The following NRBF2 variants were observed in gnomAD, a reference collection of about 807,000 sequenced individuals.
NRBF2 encodes nuclear receptor binding factor 2, also known as nuclear receptor-binding factor 2.
NRBF2 carries 12 observed loss-of-function variants against 28.5 expected under a neutral mutation model. The ratio of observed to expected loss-of-function variants is 0.42; its 90% confidence interval spans 0.27 to 0.68. NRBF2 has a LOEUF of 0.68. NRBF2 is among the 30% of genes least tolerant of loss of function. NRBF2 has a pLI of 0.24. For missense variants in NRBF2, 274 were observed against 333.5 expected (o/e 0.82, Z 1.39); for synonymous variants, 102 against 116.5 (o/e 0.88, Z 0.80).
At chr10:63,147,909 A>G (rs1841590031) in intron 2 of NRBF2, among the ~76,000 whole-genome samples, 1 of 152,144 alleles carries the variant, frequency 6.6e-6, no homozygotes, top group Non-Finnish European at 1.5e-5. Flanking sequence ...AAACATGTCA[A>G]CTAGTGCTCT....
Position 63,153,697 on chromosome 10 carries a change from C to G in NRBF2, c.343C>G (p.Leu115Val). The change falls in exon 4 of 4, where the codon CTT becomes GTT. Residue 115 changes from leucine (L) to valine (V), a missense_variant. Leu to Val is a conservative substitution (Grantham distance 32). Coordinates refer to ENST00000277746, the MANE Select transcript of NRBF2 (RefSeq NM_030759.5). ...SAEDAEGQSPLSQKYSPSTEK... is the reference protein window; with the variant it reads ...SAEDAEGQSPVSQKYSPSTEK... ...AGAGGATGCAGAGGGCCAGAGTCCC[C>G]TTTCTCAGAAGTACAGCCCTTCCAC... The G allele has an allele frequency of 6.2e-7, 1 of 1,612,308 alleles. No homozygotes were observed. Among genetic ancestry groups the G allele is most frequent in the African/African-American group, 1.3e-5 (1 of 74,978 alleles).
At position 63,133,695 on chromosome 10, in the gene NRBF2, C is replaced by G. The variant is rs543051891; in HGVS notation, c.30+195C>G. Among the ~76,000 whole-genome samples, 954 of 152,270 alleles carry G rather than the reference C, an allele frequency of 6.3e-3. 5 individuals carry two copies. The highest frequency in any genetic ancestry group is 0.011 in the Non-Finnish European group (729 of 67,992). On this transcript the variant is annotated intron_variant, in intron 1 of 3. Coordinates refer to ENST00000277746, the MANE Select transcript of NRBF2 (RefSeq NM_030759.5). Reference sequence around the variant, plus strand: ...GGCTAGCCACTTCAGACTTTGCCCTCCTGGGGGATCCCCGGGAAGTCCTGG... The same window carrying G: ...GGCTAGCCACTTCAGACTTTGCCCTGCTGGGGGATCCCCGGGAAGTCCTGG...
In NRBF2 at chr10:63,137,866, G is replaced by A. The variant is rs942514380; in HGVS notation, c.30+4366G>A. Among the ~76,000 whole-genome samples, 58 of 152,296 alleles carry A rather than the reference G, an allele frequency of 3.8e-4. 1 individual carries two copies. Among genetic ancestry groups the A allele is most frequent in the Non-Finnish European group, 5.9e-5 (4 of 68,030 alleles). The stretch of plus-strand genomic sequence containing the variant: ...AATGAAAGCACTCTGGAAAAAGGAG[G>A]TAGAGAGTACTAAGAGATATCCAGC... On this transcript the variant is annotated intron_variant, in intron 1 of 3. Transcript: ENST00000277746.
chr10:63,135,945 A>T (rs892621132), intron 1 of NRBF2, among the ~76,000 whole-genome samples: 1 of 151,980 alleles, frequency 6.6e-6, no homozygotes, highest in African/African-American at 2.4e-5. Context: ...TGCCCGGCGG[A>T]CACCTTGAAT....
chr10:63,142,714 C>G (rs535320477), intron 1 of NRBF2, among the ~76,000 whole-genome samples: 29 of 150,992 alleles, frequency 1.9e-4, no homozygotes, highest in African/African-American at 6.3e-4. Context: ...TTGCTCAGTC[C>G]AAGTCTCCAG....
At chr10:63,150,727 A>G (rs1219559307) in intron 2 of NRBF2, among the ~76,000 whole-genome samples, 1 of 152,252 alleles carries the variant, frequency 6.6e-6, no homozygotes, top group East Asian at 1.9e-4. Context: ...ATAAATAATT[A>G]TACAACTCAA....
At chr10:63,140,593 T>A (rs1230504081) in intron 1 of NRBF2, among the ~76,000 whole-genome samples, 2 of 152,228 alleles carry the variant, frequency 1.3e-5, no homozygotes, top group East Asian at 3.9e-4. Flanking sequence ...TTTCTATTTT[T>A]TGTAGAGATG....
At chr10:63,139,054 G>A (rs1841421840) in intron 1 of NRBF2, among the ~76,000 whole-genome samples, 1 of 151,922 alleles carries the variant, frequency 6.6e-6, no homozygotes, top group African/African-American at 2.4e-5. Flanking sequence ...CTGTTGCCCA[G>A]GCTGGAGTGC....
chr10:63,140,226 A>T (rs983818715), intron 1 of NRBF2, among the ~76,000 whole-genome samples: 4 of 152,218 alleles, frequency 2.6e-5, no homozygotes, highest in African/African-American at 7.2e-5. Context: ...TCAGCTGTTT[A>T]CAAAACGAAT....
At chr10:63,142,141 G>A (rs188577130) in intron 1 of NRBF2, among the ~76,000 whole-genome samples, 21 of 152,100 alleles carry the variant, frequency 1.4e-4, no homozygotes, top group African/African-American at 4.1e-4. Flanking sequence ...AATCATCAGC[G>A]ACACACACAG....
intron 1 of NRBF2, among the ~76,000 whole-genome samples, chr10:63,136,306 C>A (rs1841378233): frequency 6.6e-6 from 1 of 151,968 alleles, no homozygotes; most frequent in South Asian, 2.1e-4. Flanking sequence ...TATGAAAATT[C>A]TGACATTCTT....
At chr10:63,134,694 CA>C (rs1284391202) in intron 1 of NRBF2, among the ~76,000 whole-genome samples, 3 of 152,182 alleles carry the variant, frequency 2.0e-5, no homozygotes, top group Admixed American at 6.5e-5. Flanking sequence ...CGATTATAAC[CA>C]GACCATAAGC....
intron 1 of NRBF2, among the ~76,000 whole-genome samples, chr10:63,145,850 G>A (rs1471084219): frequency 6.6e-6 from 1 of 152,168 alleles, no homozygotes; most frequent in African/African-American, 2.4e-5. Context: ...AATAGCTCTT[G>A]TTTTGAAAGG....
chr10:63,143,674 A>C (rs1841510782), intron 1 of NRBF2, among the ~76,000 whole-genome samples: 1 of 149,494 alleles, frequency 6.7e-6, no homozygotes, highest in Non-Finnish European at 1.5e-5. Flanking sequence ...CTGGTCTCAA[A>C]CTCCTGACCT....
chr10:63,154,396 C>T lies in NRBF2; in HGVS notation c.*178C>T, dbSNP rs1360061938. On this transcript the variant is annotated 3_prime_UTR_variant, in exon 4 of 4. Coordinates refer to ENST00000277746, the MANE Select transcript of NRBF2 (RefSeq NM_030759.5). ...GAAACAGTCACTGTGAAATGCGCTGCGTATCTCATTCACTCACTTCAGCTA... is the reference window on the plus strand; with the variant it reads ...GAAACAGTCACTGTGAAATGCGCTGTGTATCTCATTCACTCACTTCAGCTA... The T allele has an allele frequency of 1.1e-5, 6 of 535,082 alleles. No homozygotes were observed. The highest frequency in any genetic ancestry group is 3.1e-5 in the East Asian group (1 of 32,720). The allele number at this position is 535,082 out of a possible 1,614,324, so 33.1% of individuals were successfully genotyped here.
chr10:63,152,226 G>A (rs553690622), intron 3 of NRBF2, 36 bp downstream of exon 3: 2 of 1,571,134 alleles, frequency 1.3e-6, no homozygotes, highest in East Asian at 2.2e-5. Context: ...ACAAGGGTTA[G>A]AAAGGTTTTC....
intron 1 of NRBF2, among the ~76,000 whole-genome samples, chr10:63,140,348 G>T (rs1424430398): frequency 6.6e-6 from 1 of 152,198 alleles, no homozygotes; most frequent in Non-Finnish European, 1.5e-5. Context: ...GATTGCCTAG[G>T]AAGTACACAG....
Position 63,152,953 on chromosome 10 carries a change from G to A in NRBF2, c.157-558G>A, listed in dbSNP as rs569495669. ...CAAGGCTGCAGTGAGCTATGACTGC[G>A]CCATTGCACTTCAGCCTCAGCAACA... On this transcript the variant is annotated intron_variant, in intron 3 of 3. Coordinates refer to ENST00000277746, the MANE Select transcript of NRBF2 (RefSeq NM_030759.5). Among the ~76,000 whole-genome samples, 66 of 152,254 alleles carry A rather than the reference G, an allele frequency of 4.3e-4. 1 individual carries two copies. The highest frequency in any genetic ancestry group is 1.9e-3 in the East Asian group (10 of 5,178).
intron 2 of NRBF2, among the ~76,000 whole-genome samples, chr10:63,148,835 T>A (rs945701166): frequency 7.2e-5 from 11 of 152,210 alleles, no homozygotes; most frequent in Admixed American, 1.3e-4. Context: ...ATTTCTCTTC[T>A]TTCATACACA....
Sources: allele counts gnomAD v4.1 joint callset (sites outside exome capture counted in the v4.1 genomes callset), GRCh38; gene constraint gnomAD v4.1.1; transcripts MANE v1.5; gene names NCBI Gene and HGNC (gene_info 2026-07-23, HGNC 2026-07-21).